The following MRPL12 variants were observed in gnomAD, a reference collection of about 807,000 sequenced individuals.
MRPL12 encodes the protein large ribosomal subunit protein bL12m.
Under a neutral mutation model 21.1 loss-of-function variants are expected in MRPL12, and 13 were observed. The ratio of observed to expected loss-of-function variants is 0.62; its 90% confidence interval spans 0.40 to 0.98. The LOEUF is 0.98. Among genes scored for constraint, MRPL12 ranks in the 50% least tolerant of loss-of-function variants. The probability of loss-of-function intolerance (pLI) is 0.00; values close to 1 mark genes in which losing one functional copy is unlikely to be tolerated. For synonymous variants in MRPL12, 126 were observed against 115.3 expected (o/e 1.09, Z -0.60); for missense variants, 251 against 268.6 (o/e 0.93, Z 0.46).
Position 81,707,369 on chromosome 17 carries a change from C to G in MRPL12, c.*129C>G. On this transcript the variant is annotated 3_prime_UTR_variant, in exon 5 of 5. Transcript: ENST00000333676. ...CCGTTTGGGAGAATTGCCTGCGCCA[C>G]GCAGCGGGGCCGGACAGGCCGCACA... is the stretch of plus-strand genomic sequence containing the variant. 1 of 919,058 alleles carries G rather than the reference C, an allele frequency of 1.1e-6. No homozygotes were observed. Among genetic ancestry groups the G allele is most frequent in the South Asian group, 1.6e-5 (1 of 60,896 alleles). 56.9% of individuals were successfully genotyped at this position (919,058 alleles called of 1,614,324 possible).
chr17:81,707,281 C>G lies in MRPL12; in HGVS notation c.*41C>G, dbSNP rs372335756. ...ACTTGTGTTCAGGGGTCCTGGGCCC[C>G]GGGCGAGGTCCCGCCCTCCCGTGGT... On this transcript the variant is annotated 3_prime_UTR_variant, in exon 5 of 5. Transcript: ENST00000333676. 2 of 1,514,166 alleles carry G rather than the reference C, an allele frequency of 1.3e-6. No individual in the cohort carries two copies. Among genetic ancestry groups the G allele is most frequent in the African/African-American group, 1.4e-5 (1 of 71,860 alleles). The allele number at this position is 1,514,166 out of a possible 1,614,324, so 93.8% of individuals were successfully genotyped here.
Position 81,706,930 on chromosome 17 carries a change from G to C in MRPL12, c.370G>C (p.Ala124Pro), listed in dbSNP as rs375709224. ...GGCGGTGGAAGAAGATATCCCCATA[G>C]CGAAAGAACGGACACATTTCACCGT... ...QEAVEEDIPI[A>P]KERTHFTVRL... Residue 124 changes from alanine to proline, a missense_variant, in exon 4 of 5, where the codon GCG (alanine) becomes CCG (proline). Coordinates refer to ENST00000333676, the MANE Select transcript of MRPL12 (RefSeq NM_002949.4). The C allele has an allele frequency of 1.3e-5, 21 of 1,613,862 alleles. No homozygotes were observed. The highest frequency in any genetic ancestry group is 1.7e-5 in the Non-Finnish European group (20 of 1,180,040).
Position 81,704,753 on chromosome 17 carries a change from C to T in MRPL12, c.345+37C>T, listed in dbSNP as rs372476741. The T allele has an allele frequency of 8.3e-6, 13 of 1,560,272 alleles. No individual in the cohort carries two copies. In the East Asian group the frequency reaches 2.7e-4, roughly 32 times the overall value. ...GCAGAATGAGGCATTTCTGGGGTGC[C>T]CAGTTCGCCTGTGGCCTCATGTGCC... On this transcript the variant is annotated intron_variant, in intron 3 of 4. Transcript: ENST00000333676.
intron 3 of MRPL12, among the ~76,000 whole-genome samples, chr17:81,705,585 C>G (rs8066217): frequency 0.13 from 20,277 of 152,074 alleles, 1,472 homozygotes; most frequent in Middle Eastern, 0.17. Flanking sequence ...GGGGAGGCAC[C>G]AAGGTCACCA....
intron 1 of MRPL12, 120 bp downstream of exon 1, chr17:81,703,695 G>A (rs2037280216): frequency 3.1e-6 from 3 of 981,090 alleles, no homozygotes; most frequent in Non-Finnish European, 4.1e-6. Context: ...GCCAGGCCGG[G>A]CTTGGGGGTC....
At chr17:81,705,534 C>G (rs2037305774) in intron 3 of MRPL12, among the ~76,000 whole-genome samples, 1 of 152,022 alleles carries the variant, frequency 6.6e-6, no homozygotes, top group Non-Finnish European at 1.5e-5. Context: ...AAAGAGGAGG[C>G]AGACATTGTA....
chr17:81,704,993 G>A (rs571460802), intron 3 of MRPL12, among the ~76,000 whole-genome samples: 3 of 152,146 alleles, frequency 2.0e-5, no homozygotes, highest in South Asian at 2.1e-4. Context: ...CCAGCGCTTC[G>A]GGAGGCCGAG....
At chr17:81,706,371 C>T (rs1035779279) in intron 3 of MRPL12, among the ~76,000 whole-genome samples, 6 of 152,088 alleles carry the variant, frequency 3.9e-5, no homozygotes, top group South Asian at 2.1e-4. Context: ...CGCAGCCTCC[C>T]GAGTAGCTGG....
intron 3 of MRPL12, 103 bp downstream of exon 3, chr17:81,704,819 T>TGCAGCCTGCACACCTGTGCG (rs2037297351): frequency 5.9e-6 from 6 of 1,013,008 alleles, no homozygotes; most frequent in Non-Finnish European, 8.9e-6. Flanking sequence ...CGTCATTGTC[T>TGCAGCCTGCACACCTGTGCG]GCAGCCTGCA....
chr17:81,707,116 T>C lies in MRPL12; in HGVS notation c.481-8T>C. 1 of 1,613,948 alleles carries C rather than the reference T, an allele frequency of 6.2e-7. No individual in the cohort carries two copies. On this transcript the variant is annotated splice_region_variant and splice_polypyrimidine_tract_variant and intron_variant, in intron 4 of 4. Coordinates refer to ENST00000333676, the MANE Select transcript of MRPL12 (RefSeq NM_002949.4). ...GCCCCCAGTCCCTGACTTTGCTCTC[T>C]CTGGCAGGCAAAGAAGCTGGTGGAG...
chr17:81,704,492 C>T, intron 2 of MRPL12, 62 bp downstream of exon 2: 3 of 1,585,510 alleles, frequency 1.9e-6, no homozygotes, highest in East Asian at 2.2e-5. Flanking sequence ...GTGTTTTGTT[C>T]CTGGTGTATT....
Position 81,703,556 on chromosome 17 carries a change from G to A in MRPL12, c.55G>A (p.Ala19Thr), listed in dbSNP as rs2037277956. Reference sequence around the variant, plus strand: ...GGGGCCTTGCCTTGGGCTTCGGGCCGCTGCGTTCCGCCTTGCCAGGTACGC... The same window carrying A: ...GGGGCCTTGCCTTGGGCTTCGGGCCACTGCGTTCCGCCTTGCCAGGTACGC... ...LWGPCLGLRAAAFRLARRQVP... is the reference protein window; with the variant it reads ...LWGPCLGLRATAFRLARRQVP... The change falls in exon 1 of 5, where the codon GCT (alanine) becomes ACT (threonine). Residue 19 changes from alanine (A) to threonine (T), a missense_variant. Physicochemically the swap from Ala to Thr is moderately conservative, Grantham distance 58 (BLOSUM62 0). Transcript: ENST00000333676. The A allele has an allele frequency of 1.4e-6, 2 of 1,457,430 alleles. No homozygotes were observed. Among genetic ancestry groups the A allele is most frequent in the Non-Finnish European group, 1.8e-6 (2 of 1,110,532 alleles). 90.3% of individuals were successfully genotyped at this position (1,457,430 alleles called of 1,614,324 possible).
chr17:81,705,264 G>T (rs926299064), intron 3 of MRPL12, among the ~76,000 whole-genome samples: 11 of 151,462 alleles, frequency 7.3e-5, no homozygotes, highest in African/African-American at 2.7e-4. Flanking sequence ...GGTGGCAGGT[G>T]CCTGTAATCC....
chr17:81,703,412 T>C lies in MRPL12; in HGVS notation c.-90T>C. The C allele has an allele frequency of 1.8e-6, 2 of 1,141,998 alleles. No homozygotes were observed. The highest frequency in any genetic ancestry group is 6.0e-5 in the Admixed American group (2 of 33,208). 70.7% of individuals were successfully genotyped at this position (1,141,998 alleles called of 1,614,324 possible). A position where few individuals can be genotyped will look rare whatever the true frequency, so the allele number is the denominator to read the frequency against. ...CCGGCAGCCGTGGCGGCTAGAGCGT[T>C]CCTCCCCAGCTCGAATGCCCGGCGG... is the stretch of plus-strand genomic sequence containing the variant. On this transcript the variant is annotated 5_prime_UTR_variant, in exon 1 of 5. Transcript: ENST00000333676.
intron 3 of MRPL12, among the ~76,000 whole-genome samples, chr17:81,706,526 G>A (rs1445772234): frequency 6.6e-6 from 1 of 152,122 alleles, no homozygotes; most frequent in African/African-American, 2.4e-5. Flanking sequence ...ACTCCCGTCC[G>A]AGGCATGTTA....
Position 81,707,476 on chromosome 17 carries a change from G to A in MRPL12, c.*236G>A, listed in dbSNP as rs2037326577. 3.9e-6 allele frequency: 2 copies of A among 519,462 alleles called. No homozygotes were observed. The highest frequency in any genetic ancestry group is 6.9e-6 in the Non-Finnish European group (2 of 291,448). The allele number at this position is 519,462 out of a possible 1,614,324, so 32.2% of individuals were successfully genotyped here. On this transcript the variant is annotated 3_prime_UTR_variant, in exon 5 of 5. Coordinates refer to ENST00000333676, the MANE Select transcript of MRPL12 (RefSeq NM_002949.4). The stretch of plus-strand genomic sequence containing the variant: ...CCACCAGGACGCGCCACCGGTGAAT[G>A]TGCCTCTGGTGGCTGCTGAGAAAAA...
At position 81,703,401 on chromosome 17, in the gene MRPL12, G is replaced by C. The variant is rs911533410; in HGVS notation, c.-101G>C. 9.9e-7 allele frequency: 1 copy of C among 1,011,474 alleles called. No individual in the cohort carries two copies. Among genetic ancestry groups the C allele is most frequent in the African/African-American group, 1.7e-5 (1 of 58,444 alleles). 62.7% of individuals were successfully genotyped at this position (1,011,474 alleles called of 1,614,324 possible). ...GGCTCGAATGCCCGGCAGCCGTGGC[G>C]GCTAGAGCGTTCCTCCCCAGCTCGA... is the stretch of plus-strand genomic sequence containing the variant. On this transcript the variant is annotated 5_prime_UTR_variant, in exon 1 of 5. Transcript: ENST00000333676.
chr17:81,707,404 T>C lies in MRPL12; in HGVS notation c.*164T>C. 1 of 670,958 alleles carries C rather than the reference T, an allele frequency of 1.5e-6. No individual in the cohort carries two copies. The allele number at this position is 670,958 out of a possible 1,614,324, so 41.6% of individuals were successfully genotyped here. On this transcript the variant is annotated 3_prime_UTR_variant, in exon 5 of 5. Coordinates refer to ENST00000333676, the MANE Select transcript of MRPL12 (RefSeq NM_002949.4). ...CCGGACAGGCCGCACAGACCTACTG[T>C]GGCGGGAGGGAGGGGCGGCTGCTGC...
In MRPL12 at chr17:81,706,899, C is replaced by G. The variant is rs752107740; in HGVS notation, c.346-7C>G. 24 of 1,613,342 alleles carry G rather than the reference C, an allele frequency of 1.5e-5. No homozygotes were observed. Among genetic ancestry groups the G allele is most frequent in the Non-Finnish European group, 1.9e-5 (22 of 1,179,896 alleles). On this transcript the variant is annotated splice_region_variant and splice_polypyrimidine_tract_variant and intron_variant, in intron 3 of 4. Transcript: ENST00000333676. The stretch of plus-strand genomic sequence containing the variant: ...CACCTGGCTCCCCTTCTTTCCTGCT[C>G]CCTAAGGCGGTGGAAGAAGATATCC...
Sources: gnomAD v4.1 joint callset for allele counts (sites outside exome capture counted in the v4.1 genomes callset) on GRCh38, gnomAD v4.1.1 for gene constraint, MANE v1.5 for transcripts, NCBI Gene and HGNC (gene_info 2026-07-23, HGNC 2026-07-21) for gene names.